MGMT: variants seen among roughly 807,000 people sequenced by gnomAD.
MGMT encodes methylated-DNA--protein-cysteine methyltransferase.
In MGMT, 14 loss-of-function variants were observed where a neutral mutation model predicts 15.9. That is an observed-to-expected ratio of 0.88 (90% CI 0.58 to 1.37). The LOEUF is 1.37. Among genes scored for constraint, MGMT ranks in the 40% most tolerant of loss-of-function variants. The pLI is 0.00. For synonymous variants in MGMT, 130 were observed against 118.2 expected (o/e 1.10, Z -0.65); for missense variants, 282 against 268.1 (o/e 1.05, Z -0.36).
At position 129,726,044 on chromosome 10, in the gene MGMT, C is replaced by A. The variant is rs547722705; in HGVS notation, c.274+18001C>A. Among the ~76,000 whole-genome samples the A allele has an allele frequency of 6.6e-5, 10 of 152,214 alleles. 1 individual carries two copies. The South Asian group carries it at 1.9e-3, about 28-fold the overall frequency. The stretch of plus-strand genomic sequence containing the variant: ...GAGTGTGTTCTGTCACACAGCCTGG[C>A]CATGGCTCAGGTCCACAAGGTCAGC... On this transcript the variant is annotated intron_variant, in intron 3 of 4. Coordinates refer to ENST00000651593, the MANE Select transcript of MGMT (RefSeq NM_002412.5).
intron 2 of MGMT, among the ~76,000 whole-genome samples, chr10:129,601,662 T>C (rs1846823305): frequency 6.6e-6 from 1 of 152,218 alleles, no homozygotes; most frequent in African/African-American, 2.4e-5. Context: ...GTTCCATTAC[T>C]GTGGAGTAGG....
chr10:129,759,835 G>A (rs1209164784), intron 4 of MGMT, among the ~76,000 whole-genome samples: 2 of 152,138 alleles, frequency 1.3e-5, no homozygotes, highest in Admixed American at 1.3e-4. Flanking sequence ...CTGAGGCCCA[G>A]GGCTCCCTGG....
chr10:129,538,046 A>G (rs1189505205), intron 2 of MGMT, among the ~76,000 whole-genome samples: 1 of 152,174 alleles, frequency 6.6e-6, no homozygotes, highest in African/African-American at 2.4e-5. Flanking sequence ...GGCAGCCAGC[A>G]GTATTTGTGT....
chr10:129,757,740 A>G (rs1448269196), intron 3 of MGMT, among the ~76,000 whole-genome samples: 2 of 152,222 alleles, frequency 1.3e-5, no homozygotes, highest in Admixed American at 6.5e-5. Context: ...GCATTTGCCC[A>G]GGGAAATCCA....
intron 3 of MGMT, among the ~76,000 whole-genome samples, chr10:129,731,761 G>C (rs1848500364): frequency 6.6e-6 from 1 of 152,140 alleles, no homozygotes; most frequent in South Asian, 2.1e-4. Flanking sequence ...GGATATCATA[G>C]GTAATATGCT....
chr10:129,526,117 G>T (rs1486126539), intron 1 of MGMT, among the ~76,000 whole-genome samples: 1 of 152,252 alleles, frequency 6.6e-6, no homozygotes, highest in Admixed American at 6.5e-5. Flanking sequence ...GGGACCACGG[G>T]TGGGGTCTCA....
chr10:129,686,652 C>T (rs988827908), intron 2 of MGMT, among the ~76,000 whole-genome samples: 6 of 152,194 alleles, frequency 3.9e-5, no homozygotes, highest in African/African-American at 7.2e-5. Context: ...CATGTGCCAC[C>T]GTGCCCGGCC....
chr10:129,608,890 AT>A (rs1846925901), intron 2 of MGMT, among the ~76,000 whole-genome samples: 2 of 151,958 alleles, frequency 1.3e-5, no homozygotes, highest in South Asian at 4.2e-4. Flanking sequence ...GGTGACTTTT[AT>A]TTTTTCCTTT....
chr10:129,678,758 G>A (rs1021116443), intron 2 of MGMT, among the ~76,000 whole-genome samples: 2 of 151,964 alleles, frequency 1.3e-5, no homozygotes, highest in African/African-American at 4.8e-5. Flanking sequence ...TCCAGTGCAT[G>A]TGGTGCTAAG....
At chr10:129,471,045 C>G (rs9299870) in intron 1 of MGMT, among the ~76,000 whole-genome samples, 29,700 of 152,144 alleles carry the variant, frequency 0.2, 4,836 homozygotes, top group African/African-American at 0.44. Flanking sequence ...CCAGCCCTGC[C>G]GCCCATTCCC....
chr10:129,671,419 G>A (rs188308818), intron 2 of MGMT, among the ~76,000 whole-genome samples: 44 of 148,908 alleles, frequency 3.0e-4, no homozygotes, highest in African/African-American at 1.1e-3. Flanking sequence ...CCTGGGGCTG[G>A]GGCTGGACAT....
intron 1 of MGMT, among the ~76,000 whole-genome samples, chr10:129,520,820 GGTACAGAACCCCTATGGTGCAT>G (rs1845799120): frequency 7.2e-6 from 1 of 138,874 alleles, no homozygotes; most frequent in Non-Finnish European, 1.6e-5. Context: ...CTACGGTGCG[GGTACAGAACCCCTATGGTGCAT>G]GTACAGACCC....
intron 2 of MGMT, among the ~76,000 whole-genome samples, chr10:129,672,775 G>A (rs181230541): frequency 1.7e-4 from 26 of 152,146 alleles, no homozygotes; most frequent in African/African-American, 6.0e-4. Flanking sequence ...TCCAACACCT[G>A]GAATCCCTGT....
intron 2 of MGMT, among the ~76,000 whole-genome samples, chr10:129,694,690 G>A (rs750930652): frequency 2.0e-5 from 3 of 152,036 alleles, no homozygotes; most frequent in East Asian, 1.9e-4. Context: ...TGGATTCTTC[G>A]CTGGGTAGAG....
At chr10:129,522,394 G>C (rs970701041) in intron 1 of MGMT, among the ~76,000 whole-genome samples, 1 of 152,192 alleles carries the variant, frequency 6.6e-6, no homozygotes, top group African/African-American at 2.4e-5. Flanking sequence ...CCTTTCCTGT[G>C]TGGGTGTGTG....
chr10:129,687,645 A>G (rs1847919794), intron 2 of MGMT, among the ~76,000 whole-genome samples: 1 of 150,950 alleles, frequency 6.6e-6, no homozygotes, highest in South Asian at 2.1e-4. Flanking sequence ...TGCATGTGTC[A>G]GGGGACAAAA....
At chr10:129,593,224 C>T (rs1031097899) in intron 2 of MGMT, among the ~76,000 whole-genome samples, 2 of 152,336 alleles carry the variant, frequency 1.3e-5, no homozygotes, top group Admixed American at 6.5e-5. Context: ...TCAGCTCCTG[C>T]GCAGTGGGCG....
rs1308923755 is a variant in MGMT, at chr10:129,564,624, CCTGCTTCCCCTCCT to C, written c.125+28256_125+28269del. 2.6e-3 allele frequency among the ~76,000 whole-genome samples: 211 copies of C among 82,070 alleles called. 2 individuals are homozygous for C. The highest frequency in any genetic ancestry group is 7.9e-3 in the Middle Eastern group (1 of 126). The allele number at this position is 82,070 out of a possible 152,430, so 53.8% of individuals were successfully genotyped here. A position where few individuals can be genotyped will look rare whatever the true frequency, so the allele number is the denominator to read the frequency against. On this transcript the variant is annotated intron_variant, in intron 2 of 4. Coordinates refer to ENST00000651593, the MANE Select transcript of MGMT (RefSeq NM_002412.5). ...CTCCTCCTCCCCCTCCTCCTCCTCCCCTGCTTCCCCTCCTCTGCTTCCTCACCCTCCTCTCCTTC... is the reference window on the plus strand; with the variant it reads ...CTCCTCCTCCCCCTCCTCCTCCTCCCCTGCTTCCTCACCCTCCTCTCCTTC...
intron 2 of MGMT, among the ~76,000 whole-genome samples, chr10:129,571,347 T>C (rs774057675): frequency 2.6e-5 from 4 of 152,214 alleles, no homozygotes; most frequent in Admixed American, 6.5e-5. Context: ...ACTTGAAATA[T>C]ATGAATTCAT....
Sources: allele counts gnomAD v4.1 joint callset (sites outside exome capture counted in the v4.1 genomes callset), GRCh38; gene constraint gnomAD v4.1.1; transcripts MANE v1.5; gene names NCBI Gene and HGNC (gene_info 2026-07-23, HGNC 2026-07-21).